ZNF324: variants seen among roughly 807,000 people sequenced by gnomAD.
The protein encoded by ZNF324 is zinc finger protein 324A.
ZNF324 carries 3 observed loss-of-function variants against 10.3 expected under a neutral mutation model. That is an observed-to-expected ratio of 0.29 (90% CI 0.13 to 0.75). The LOEUF (loss-of-function observed/expected upper bound fraction) is 0.75, where lower values mean the gene tolerates loss of function less well. Among genes scored for constraint, ZNF324 ranks in the 30% least tolerant of loss-of-function variants. The pLI is 0.69. For synonymous variants in ZNF324, 430 were observed against 339.5 expected (o/e 1.27, Z -2.93); for missense variants, 763 against 784.4 (o/e 0.97, Z 0.33).
chr19:58,470,078 C>A (rs1385342789), intron 3 of ZNF324, among the ~76,000 whole-genome samples: 1 of 152,190 alleles, frequency 6.6e-6, no homozygotes, highest in Non-Finnish European at 1.5e-5. Flanking sequence ...GTGAGACCAT[C>A]TCAGAGTCCT....
In ZNF324 at chr19:58,472,357, C is replaced by T. The variant is rs1248521331; in HGVS notation, c.*203C>T. 1.2e-5 allele frequency: 7 copies of T among 596,710 alleles called. No individual in the cohort carries two copies. In the Admixed American group the frequency reaches 1.2e-4, roughly 10 times the overall value. 37.0% of individuals were successfully genotyped at this position (596,710 alleles called of 1,614,324 possible). A position where few individuals can be genotyped will look rare whatever the true frequency, so the allele number is the denominator to read the frequency against. On this transcript the variant is annotated 3_prime_UTR_variant, in exon 4 of 4. Transcript: ENST00000196482. The stretch of plus-strand genomic sequence containing the variant: ...CACACCTCCATCCCCAAAGAGGTAG[C>T]ACTGCAGCAACATCAGGGGGAGGAC...
Position 58,472,339 on chromosome 19 carries a change from C to CAGAT in ZNF324, c.*185_*186insAGAT. 1.6e-6 allele frequency: 1 copy of CAGAT among 633,464 alleles called. No homozygotes were observed. 39.2% of individuals were successfully genotyped at this position (633,464 alleles called of 1,614,324 possible). ...GCCAGTTCACCCACAGATCACACCT[C>CAGAT]CATCCCCAAAGAGGTAGCACTGCAG... On this transcript the variant is annotated 3_prime_UTR_variant, in exon 4 of 4. Transcript: ENST00000196482.
In ZNF324 at chr19:58,470,907, G is replaced by T. The variant is rs748746021; in HGVS notation, c.415G>T (p.Val139Leu). The change falls in exon 4 of 4, where the codon GTG (valine) becomes TTG (leucine). Residue 139 changes from valine (V) to leucine (L), a missense_variant. Around this residue, in one of 3 missense-constraint regions of ZNF324, gnomAD observed 379 missense variants for 319.4 expected, o/e 1.19. Transcript: ENST00000196482. ...ATCTCGGGAGAGAAAACCCACGGGG[G>T]TGTCGGTGATCTACTGGGAGAGGCT... ...SPSRERKPTG[V>L]SVIYWERLLL... 1.2e-6 allele frequency: 2 copies of T among 1,614,132 alleles called. No individual in the cohort carries two copies. Among genetic ancestry groups the T allele is most frequent in the Non-Finnish European group, 1.7e-6 (2 of 1,180,048 alleles).
rs755783071 is a variant in ZNF324, at chr19:58,470,899, C to T, written c.407C>T (p.Pro136Leu). The change falls in exon 4 of 4, where the codon CCC becomes CTC. Residue 136 changes from proline (P) to leucine (L), a missense_variant. Pro to Leu is a moderately conservative substitution (Grantham distance 98). Around this residue, in one of 3 missense-constraint regions of ZNF324, gnomAD observed 379 missense variants for 319.4 expected, o/e 1.19. Coordinates refer to ENST00000196482, the MANE Select transcript of ZNF324 (RefSeq NM_014347.3). ...GCCTCCCCATCTCGGGAGAGAAAACCCACGGGGGTGTCGGTGATCTACTGG... is the reference window on the plus strand; with the variant it reads ...GCCTCCCCATCTCGGGAGAGAAAACTCACGGGGGTGTCGGTGATCTACTGG... ...RGASPSRERK[P>L]TGVSVIYWER... 9.9e-6 allele frequency: 16 copies of T among 1,614,100 alleles called. No homozygotes were observed. The highest frequency in any genetic ancestry group is 6.8e-6 in the Non-Finnish European group (8 of 1,180,038).
intron 3 of ZNF324, chr19:58,470,433 A>C (rs1264745607): frequency 7.9e-6 from 4 of 508,592 alleles, no homozygotes; most frequent in East Asian, 3.7e-5. Context: ...TGTGGGTGGA[A>C]TAGCCAGTGT....
intron 1 of ZNF324, 66 bp downstream of exon 1, chr19:58,467,249 C>G: frequency 6.6e-6 from 1 of 151,132 alleles, no homozygotes; most frequent in Non-Finnish European, 1.5e-5. Flanking sequence ...CGCCGGCCGC[C>G]GGCCGCGCCC....
rs373336147 is a variant in ZNF324 at position 58,470,816 on chromosome 19, C to T, written c.324C>T (p.Ser108=). The T allele has an allele frequency of 1.3e-5, 21 of 1,614,062 alleles. No homozygotes were observed. Among genetic ancestry groups the T allele is most frequent in the East Asian group, 2.2e-5 (1 of 44,888 alleles). ...ATACCCCACCTGGGATGACTACTAG[C>T]GTCTTCCCTGTTGCCGGTGCCTGCC... is the stretch of plus-strand genomic sequence containing the variant. The part of the protein sequence containing the change: ...FPDTPPGMTT[S]VFPVAGACHS... Residue 108 remains serine, a synonymous_variant, in exon 4 of 4, where the codon AGC becomes AGT. Transcript: ENST00000196482.
At chr19:58,469,638 G>T (rs2053010126) in intron 2 of ZNF324, 90 bp from the exon 3 acceptor site, 2 of 1,101,296 alleles carry the variant, frequency 1.8e-6, no homozygotes. Flanking sequence ...GACATTTTCT[G>T]TTTCCGTGAA....
rs1279420728 is a variant in ZNF324 at position 58,469,025 on chromosome 19, A to G, written c.-6-155A>G. 2.0e-5 allele frequency among the ~76,000 whole-genome samples: 3 copies of G among 151,960 alleles called. No individual in the cohort carries two copies. In the East Asian group the frequency reaches 5.8e-4, roughly 29 times the overall value. ...TTCTTAAAACATGAGATGTTTATGC[A>G]ATTTTTATTTTTTTTAGCTCATCAG... On this transcript the variant is annotated intron_variant, in intron 1 of 3. Coordinates refer to ENST00000196482, the MANE Select transcript of ZNF324 (RefSeq NM_014347.3).
intron 3 of ZNF324, 92 bp downstream of exon 3, chr19:58,469,936 C>A: frequency 1.1e-6 from 1 of 906,260 alleles, no homozygotes; most frequent in Non-Finnish European, 1.7e-6. Context: ...GCACCCTCCT[C>A]CCCTCCCTCC....
chr19:58,471,208 A>T lies in ZNF324; in HGVS notation c.716A>T (p.Glu239Val). 6.2e-7 allele frequency: 1 copy of T among 1,613,688 alleles called. No individual in the cohort carries two copies. The highest frequency in any genetic ancestry group is 8.5e-7 in the Non-Finnish European group (1 of 1,179,964). ...QEPHRLLGGQEPSTWDELGEA... is the reference protein window; with the variant it reads ...QEPHRLLGGQVPSTWDELGEA... Reference sequence around the variant, plus strand: ...CCTCATAGACTCCTCGGTGGCCAGGAGCCCTCGACCTGGGACGAGCTGGGC... The same window carrying T: ...CCTCATAGACTCCTCGGTGGCCAGGTGCCCTCGACCTGGGACGAGCTGGGC... Residue 239 changes from glutamate (E) to valine (V), a missense_variant, in exon 4 of 4, where the codon GAG becomes GTG. Physicochemically the swap from Glu to Val is moderately radical, Grantham distance 121. This residue lies in a region of ZNF324 where 379 missense variants were observed against 319.4 expected (regional missense o/e 1.19). Transcript: ENST00000196482.
intron 2 of ZNF324, 99 bp downstream of exon 2, chr19:58,469,405 C>A: frequency 6.7e-7 from 1 of 1,493,852 alleles, no homozygotes; most frequent in Non-Finnish European, 9.0e-7. Flanking sequence ...CAGGCCTATA[C>A]CTTGCAGCCA....
Position 58,469,922 on chromosome 19 carries a change from A to G in ZNF324, c.238+78A>G, listed in dbSNP as rs991531390. On this transcript the variant is annotated intron_variant, in intron 3 of 3. Transcript: ENST00000196482. ...TCTGTCCCTGGTTCCCAGACTCCCC[A>G]GAAGCACCCTCCTCCCCTCCCTCCC... The G allele has an allele frequency of 3.5e-6, 4 of 1,150,406 alleles. No homozygotes were observed. In the African/African-American group the frequency reaches 4.6e-5, roughly 13 times the overall value. 71.3% of individuals were successfully genotyped at this position (1,150,406 alleles called of 1,614,324 possible).
chr19:58,471,073 G>A lies in ZNF324; in HGVS notation c.581G>A (p.Arg194Gln), dbSNP rs1277731994. ...GGGAGGCAGCCCAGGACGCCTGAGC[G>A]GCAGAAACCATGTGCACAGGAGGTC... ...LLGRQPRTPE[R>Q]QKPCAQEVPG... The change falls in exon 4 of 4, where the codon CGG becomes CAG. Residue 194 changes from arginine to glutamine, a missense_variant. Arg to Gln is a conservative substitution (Grantham distance 43). Around this residue, in one of 3 missense-constraint regions of ZNF324, gnomAD observed 379 missense variants for 319.4 expected, o/e 1.19. Coordinates refer to ENST00000196482, the MANE Select transcript of ZNF324 (RefSeq NM_014347.3). 4 of 1,613,886 alleles carry A rather than the reference G, an allele frequency of 2.5e-6. No individual in the cohort carries two copies. The highest frequency in any genetic ancestry group is 2.5e-6 in the Non-Finnish European group (3 of 1,180,038).
chr19:58,471,991 A>G lies in ZNF324; in HGVS notation c.1499A>G (p.Gln500Arg). The change falls in exon 4 of 4, where the codon CAG (glutamine) becomes CGG (arginine). Residue 500 changes from glutamine to arginine, a missense_variant. Around this residue, in one of 3 missense-constraint regions of ZNF324, gnomAD observed 231 missense variants for 196.0 expected, o/e 1.18. Transcript: ENST00000196482. ...FRERPALFHHQRIHTGEKTVR... is the reference protein window; with the variant it reads ...FRERPALFHHRRIHTGEKTVR... ...GAGCGCCCGGCCCTCTTCCACCACC[A>G]GAGGATCCATACCGGCGAGAAGACC... The G allele has an allele frequency of 6.2e-7, 1 of 1,608,858 alleles. No homozygotes were observed. The highest frequency in any genetic ancestry group is 8.5e-7 in the Non-Finnish European group (1 of 1,179,684).
chr19:58,470,821 T>C lies in ZNF324; in HGVS notation c.329T>C (p.Phe110Ser), dbSNP rs769403812. The change falls in exon 4 of 4, where the codon TTC becomes TCC. Residue 110 changes from phenylalanine to serine, a missense_variant. By Grantham distance (155) the Phe-to-Ser change is radical (BLOSUM62 -2). This residue lies in a region of ZNF324 where 379 missense variants were observed against 319.4 expected (regional missense o/e 1.19). Transcript: ENST00000196482. The stretch of plus-strand genomic sequence containing the variant: ...CCACCTGGGATGACTACTAGCGTCT[T>C]CCCTGTTGCCGGTGCCTGCCACAGT... ...DTPPGMTTSVFPVAGACHSVK... is the reference protein window; with the variant it reads ...DTPPGMTTSVSPVAGACHSVK... 1 of 1,614,112 alleles carries C rather than the reference T, an allele frequency of 6.2e-7. No homozygotes were observed. The highest frequency in any genetic ancestry group is 8.5e-7 in the Non-Finnish European group (1 of 1,180,022).
Position 58,469,842 on chromosome 19 carries a change from CTG to C in ZNF324, c.237_238del (p.Gly80PhefsTer8). 6.3e-7 allele frequency: 1 copy of C among 1,597,012 alleles called. No individual in the cohort carries two copies. The highest frequency in any genetic ancestry group is 8.5e-7 in the Non-Finnish European group (1 of 1,171,748). On this transcript the variant is annotated frameshift_variant and splice_region_variant, in exon 3 of 4. Coordinates refer to ENST00000196482, the MANE Select transcript of ZNF324 (RefSeq NM_014347.3). LOFTEE classifies it low-confidence loss of function (END_TRUNC). ...AGGACCACCTACAGGAGGCGCAACC[CTG>C]GTGAGAGGGAGCTCAGGGTGGGGTG...
intron 3 of ZNF324, 52 bp downstream of exon 3, chr19:58,469,896 C>T: frequency 6.9e-7 from 1 of 1,453,666 alleles, no homozygotes; most frequent in Non-Finnish European, 9.5e-7. Flanking sequence ...GTGGTCATGC[C>T]TCTGTCCCTG....
chr19:58,472,181 T>C lies in ZNF324; in HGVS notation c.*27T>C. The stretch of plus-strand genomic sequence containing the variant: ...GTCACAGGTTGCAGCCCTGGCCTTC[T>C]GTGAATCCCTTCCACAGCTAAAGGG... On this transcript the variant is annotated 3_prime_UTR_variant, in exon 4 of 4. Coordinates refer to ENST00000196482, the MANE Select transcript of ZNF324 (RefSeq NM_014347.3). 6.5e-7 allele frequency: 1 copy of C among 1,540,392 alleles called. No individual in the cohort carries two copies. Among genetic ancestry groups the C allele is most frequent in the Non-Finnish European group, 8.7e-7 (1 of 1,145,294 alleles).
Sources: allele counts gnomAD v4.1 joint callset (sites outside exome capture counted in the v4.1 genomes callset), GRCh38; gene constraint gnomAD v4.1.1; regional missense constraint gnomAD v4.1.1; transcripts MANE v1.5; gene names NCBI Gene and HGNC (gene_info 2026-07-23, HGNC 2026-07-21).